LCMT1: variants seen among roughly 807,000 people sequenced by gnomAD.
The protein encoded by LCMT1 is [Phosphatase 2A protein]-leucine-carboxy methyltransferase 1.
A neutral mutation model predicts 47.7 loss-of-function variants in LCMT1; 32 were observed. The ratio of observed to expected loss-of-function variants is 0.67; its 90% CI spans 0.51 to 0.90. The LOEUF (loss-of-function observed/expected upper bound fraction) is 0.90, where lower values mean the gene tolerates loss of function less well. Ranked by LOEUF, LCMT1 falls within the 40% of genes least tolerant of loss-of-function variation. The probability of loss-of-function intolerance (pLI) is 0.00; values close to 1 mark genes in which losing one functional copy is unlikely to be tolerated. For missense variants in LCMT1, 375 were observed against 415.2 expected, an observed-to-expected ratio of 0.90 and a Z score of 0.84; for synonymous variants, 152 against 149.7, an observed-to-expected ratio of 1.02 and a Z score of -0.11.
chr16:25,146,071 GA>G (rs1457684465), intron 4 of LCMT1: 4 of 152,242 alleles, frequency 2.6e-5, no homozygotes, highest in Non-Finnish European at 5.9e-5. Flanking sequence ...GGGGCATACA[GA>G]AATGAGGAGA....
chr16:25,120,747 T>C (rs1369760818), intron 1 of LCMT1, among the ~76,000 whole-genome samples: 1 of 140,030 alleles, frequency 7.1e-6, no homozygotes, highest in Admixed American at 7.0e-5. Flanking sequence ...TTGTTTTTTT[T>C]TTTTGTTTTT....
intron 7 of LCMT1, among the ~76,000 whole-genome samples, chr16:25,166,138 C>T (rs868777194): frequency 9.2e-5 from 14 of 151,702 alleles, no homozygotes; most frequent in African/African-American, 2.4e-4. Flanking sequence ...GGCATGGTGG[C>T]GGACGCCTAT....
intron 1 of LCMT1, among the ~76,000 whole-genome samples, chr16:25,118,083 G>C (rs61195064): frequency 0.04 from 6,095 of 152,146 alleles, 436 homozygotes; most frequent in African/African-American, 0.14. Context: ...TTACCTCCCC[G>C]AAATCTGTAT....
At position 25,111,967 on chromosome 16, in the gene LCMT1, C is replaced by T. The variant is rs1959632522; in HGVS notation, c.84C>T (p.Gly28=). Reference sequence around the variant, plus strand: ...ACGCAGACGACGAGGGCGTGCGCGGCACCTGCGAAGATGCTTCCCTGTGCA... The same window carrying T: ...ACGCAGACGACGAGGGCGTGCGCGGTACCTGCGAAGATGCTTCCCTGTGCA... ...SCDADDEGVR[G]TCEDASLCKR... Residue 28 remains glycine (G), a synonymous_variant, in exon 1 of 11, where the codon GGC becomes GGT. Coordinates refer to ENST00000399069, the MANE Select transcript of LCMT1 (RefSeq NM_016309.3). 1 of 1,613,358 alleles carries T rather than the reference C, an allele frequency of 6.2e-7. No homozygotes were observed. The highest frequency in any genetic ancestry group is 1.1e-5 in the South Asian group (1 of 91,086).
At chr16:25,123,180 T>A (rs1960045707) in intron 1 of LCMT1, among the ~76,000 whole-genome samples, 1 of 152,070 alleles carries the variant, frequency 6.6e-6, no homozygotes, top group Non-Finnish European at 1.5e-5. Context: ...ATGGTCTGTA[T>A]TTCCCCATTG....
chr16:25,166,142 C>T lies in LCMT1; in HGVS notation c.690+1424C>T, dbSNP rs144106080. On this transcript the variant is annotated intron_variant, in intron 7 of 10. Transcript: ENST00000399069. ...AAAATTAGCCAGGCATGGTGGCGGA[C>T]GCCTATAATCCCAGCTACTTGGGAG... Among the ~76,000 whole-genome samples the T allele has an allele frequency of 1.7e-3, 255 of 151,808 alleles. 4 individuals are homozygous for T. Among genetic ancestry groups the T allele is most frequent in the Middle Eastern group, 6.8e-3 (2 of 294 alleles).
intron 3 of LCMT1, among the ~76,000 whole-genome samples, chr16:25,133,987 A>AT (rs1960429356): frequency 6.7e-6 from 1 of 149,776 alleles, no homozygotes; most frequent in Non-Finnish European, 1.5e-5. Context: ...AGTCGAGATC[A>AT]TGCCACCGCA....
At chr16:25,144,866 A>G (rs748730786) in intron 4 of LCMT1, 2 of 152,216 alleles carry the variant, frequency 1.3e-5, no homozygotes, top group Non-Finnish European at 2.9e-5. Context: ...TCCCAAAGCT[A>G]TTCCTAGTCT....
At chr16:25,169,258 C>A in intron 8 of LCMT1, 45 bp downstream of exon 8, 2 of 1,252,180 alleles carry the variant, frequency 1.6e-6, no homozygotes, top group Non-Finnish European at 2.3e-6. Flanking sequence ...CCTTAGTCAA[C>A]CAAGATATAT....
chr16:25,139,732 G>T (rs1472787460), intron 3 of LCMT1, among the ~76,000 whole-genome samples: 3 of 151,982 alleles, frequency 2.0e-5, no homozygotes, highest in African/African-American at 7.3e-5. Flanking sequence ...GGGTCTCGCT[G>T]TGTTGCCCAG....
intron 4 of LCMT1, chr16:25,142,930 C>G (rs1254980206): frequency 2.0e-5 from 3 of 152,162 alleles, no homozygotes; most frequent in African/African-American, 7.2e-5. Context: ...GTGTACCCAG[C>G]TAGTGATTCC....
chr16:25,147,482 A>C (rs1211307452), intron 4 of LCMT1: 2 of 152,238 alleles, frequency 1.3e-5, no homozygotes, highest in Admixed American at 6.5e-5. Flanking sequence ...CCTGACAAGA[A>C]TCCAGTAGCT....
chr16:25,117,169 GT>G (rs1959818615), intron 1 of LCMT1, among the ~76,000 whole-genome samples: 1 of 152,194 alleles, frequency 6.6e-6, no homozygotes, highest in African/African-American at 2.4e-5. Flanking sequence ...TGGGAGAAGG[GT>G]TGGTGACACA....
chr16:25,117,986 A>G (rs1365419943), intron 1 of LCMT1, among the ~76,000 whole-genome samples: 1 of 152,186 alleles, frequency 6.6e-6, no homozygotes, highest in Non-Finnish European at 1.5e-5. Flanking sequence ...AAGTAAGGAA[A>G]GGAATCAACT....
intron 4 of LCMT1, chr16:25,148,222 G>T (rs1472229515): frequency 6.6e-6 from 1 of 152,238 alleles, no homozygotes; most frequent in Non-Finnish European, 1.5e-5. Context: ...GCAGGTCCAG[G>T]TTCTACTGAC....
At chr16:25,112,897 C>T (rs923502633) in intron 1 of LCMT1, among the ~76,000 whole-genome samples, 1 of 152,024 alleles carries the variant, frequency 6.6e-6, no homozygotes, top group Admixed American at 6.6e-5. Flanking sequence ...AATCCCAGCA[C>T]TTTGGGAGGC....
chr16:25,162,808 T>G (rs1961471188), intron 6 of LCMT1, among the ~76,000 whole-genome samples: 1 of 152,162 alleles, frequency 6.6e-6, no homozygotes, highest in Non-Finnish European at 1.5e-5. Context: ...CCTTAAAAGA[T>G]TTTATCCCAA....
In LCMT1 at chr16:25,175,026, A is replaced by G; in HGVS notation, c.974A>G (p.Asn325Ser). 1 of 1,598,034 alleles carries G rather than the reference A, an allele frequency of 6.3e-7. No individual in the cohort carries two copies. The highest frequency in any genetic ancestry group is 1.1e-5 in the South Asian group (1 of 90,140). The change falls in exon 10 of 11, where the codon AAT becomes AGT. Residue 325 changes from asparagine (N) to serine (S), a missense_variant. Transcript: ENST00000399069. ...YCLCWATKGG[N>S]ELGLKEITY ...CTTTGCTGGGCAACCAAAGGAGGAA[A>G]TGAGCTTGGTGCGTGATTGTACTTT... is the stretch of plus-strand genomic sequence containing the variant.
chr16:25,167,054 ACAT>A (rs1454686699), intron 7 of LCMT1, among the ~76,000 whole-genome samples: 1 of 152,090 alleles, frequency 6.6e-6, no homozygotes, highest in African/African-American at 2.4e-5. Context: ...TGTTTATTCA[ACAT>A]CATATGAGAG....
Sources: allele counts gnomAD v4.1 joint callset (sites outside exome capture counted in the v4.1 genomes callset), GRCh38; gene constraint gnomAD v4.1.1; transcripts MANE v1.5; gene names NCBI Gene and HGNC (gene_info 2026-07-23, HGNC 2026-07-21).